Variants in PTPRF observed in about 807,000 individuals in gnomAD.
PTPRF encodes the protein protein tyrosine phosphatase receptor type F, also known as receptor-type tyrosine-protein phosphatase F.
A neutral mutation model predicts 201.8 loss-of-function variants in PTPRF; 59 were observed. The observed-to-expected ratio is 0.29, with a 90% CI of 0.24 to 0.36. The LOEUF is 0.36. PTPRF is among the 10% of genes least tolerant of loss of function. The probability of loss-of-function intolerance (pLI) is 1.00; values close to 1 mark genes in which losing one functional copy is unlikely to be tolerated. For missense variants in PTPRF, 2,132 were observed against 2,690.5 expected, an observed-to-expected ratio of 0.79 and a Z score of 4.59; for synonymous variants, 1,088 against 1,089.7, an observed-to-expected ratio of 1.00 and a Z score of 0.03.
chr1:43,545,390 G>A (rs78406870), intron 3 of PTPRF, among the ~76,000 whole-genome samples: 5,655 of 152,210 alleles, frequency 0.037, 144 homozygotes, highest in South Asian at 0.076. Context: ...CAGTCGAATC[G>A]TGACCCTGTC....
At chr1:43,550,431 G>A (rs570644805) in intron 3 of PTPRF, among the ~76,000 whole-genome samples, 38 of 152,354 alleles carry the variant, frequency 2.5e-4, no homozygotes, top group Non-Finnish European at 4.1e-4. Flanking sequence ...GCCGCTGCAG[G>A]TCCCGGCAGG....
At chr1:43,572,565 A>G (rs1646647660) in intron 6 of PTPRF, among the ~76,000 whole-genome samples, 1 of 152,094 alleles carries the variant, frequency 6.6e-6, no homozygotes, top group South Asian at 2.1e-4. Flanking sequence ...TGCTGGCCTT[A>G]TCCCATTACC....
Position 43,606,235 on chromosome 1 carries a change from G to T in PTPRF, c.3484-5G>T. On this transcript the variant is annotated splice_polypyrimidine_tract_variant and splice_region_variant and intron_variant, in intron 19 of 33. Transcript: ENST00000359947. Reference sequence around the variant, plus strand: ...CCTCATGACCCCCATGCTCTGCTCTGCCAGCTTCTAGAAGCCATCGAGCAA... The same window carrying T: ...CCTCATGACCCCCATGCTCTGCTCTTCCAGCTTCTAGAAGCCATCGAGCAA... The T allele has an allele frequency of 6.2e-7, 1 of 1,610,926 alleles. No individual in the cohort carries two copies.
At position 43,617,517 on chromosome 1, in the gene PTPRF, G is replaced by A; in HGVS notation, c.4144G>A (p.Ala1382Thr). The A allele has an allele frequency of 6.2e-7, 1 of 1,614,134 alleles. No individual in the cohort carries two copies. Among genetic ancestry groups the A allele is most frequent in the Non-Finnish European group, 8.5e-7 (1 of 1,180,028 alleles). The change falls in exon 24 of 34, where the codon GCG becomes ACG. Residue 1382 changes from alanine to threonine, a missense_variant. Around this residue, in one of 6 missense-constraint regions of PTPRF, gnomAD observed 818 missense variants for 915.3 expected, o/e 0.89. Coordinates refer to ENST00000359947, the MANE Select transcript of PTPRF (RefSeq NM_002840.5). ...GGTGAACAAGCCCAAGAACCGCTATGCGAATGTCATCGCCTACGACCACTC... is the reference window on the plus strand; with the variant it reads ...GGTGAACAAGCCCAAGAACCGCTATACGAATGTCATCGCCTACGACCACTC... ...LEVNKPKNRY[A>T]NVIAYDHSRV... is the part of the protein sequence containing the mutation.
rs1658158049 is a variant in PTPRF, at chr1:43,617,500, A to G, written c.4127A>G (p.Lys1376Arg). The G allele has an allele frequency of 6.2e-7, 1 of 1,614,016 alleles. No individual in the cohort carries two copies. The highest frequency in any genetic ancestry group is 1.7e-5 in the Admixed American group (1 of 60,000). ...GAGAATTCAAACCTGGAGGTGAACA[A>G]GCCCAAGAACCGCTATGCGAATGTC... is the stretch of plus-strand genomic sequence containing the variant. ...TWENSNLEVN[K>R]PKNRYANVIA... Residue 1376 changes from lysine to arginine, a missense_variant, in exon 24 of 34, where the codon AAG (lysine) becomes AGG (arginine). Transcript: ENST00000359947.
At position 43,619,703 on chromosome 1, in the gene PTPRF, C is replaced by G. The variant is rs1377458062; in HGVS notation, c.4956C>G (p.His1652Gln). ...EFKLLASSKA[H>Q]TSRFISANLP... ...AGTTGCTGGCCAGCTCCAAGGCCCA[C>G]ACGTCCCGCTTCATCAGCGCCAACC... The change falls in exon 29 of 34, where the codon CAC becomes CAG. Residue 1652 changes from histidine (H) to glutamine (Q), a missense_variant. His to Gln is a conservative substitution (Grantham distance 24). This residue lies in a region of PTPRF where 519 missense variants were observed against 659.5 expected (regional missense o/e 0.79). Coordinates refer to ENST00000359947, the MANE Select transcript of PTPRF (RefSeq NM_002840.5). The G allele has an allele frequency of 6.2e-6, 10 of 1,614,048 alleles. No individual in the cohort carries two copies. The highest frequency in any genetic ancestry group is 5.0e-5 in the Admixed American group (3 of 60,010).
upstream of PTPRF, among the ~76,000 whole-genome samples, chr1:43,529,826 G>A (rs748099575): frequency 2.4e-4 from 37 of 152,072 alleles, 1 homozygote; most frequent in Admixed American, 2.3e-3. Context: ...AAATTTCTAG[G>A]GTCATTATTT....
intron 5 of PTPRF, among the ~76,000 whole-genome samples, chr1:43,565,840 G>T (rs1429825355): frequency 6.6e-6 from 1 of 152,118 alleles, no homozygotes; most frequent in South Asian, 2.1e-4. Context: ...CAGCGGACGC[G>T]CGCGCCTGCA....
chr1:43,618,242 C>G (rs1325218259), intron 25 of PTPRF, among the ~76,000 whole-genome samples: 1 of 152,140 alleles, frequency 6.6e-6, no homozygotes. Flanking sequence ...GGGGCATTAA[C>G]ACATCTCCTA....
rs373819418 is a variant in PTPRF at position 43,605,465 on chromosome 1, G to A, written c.3389+22G>A. 15 of 1,610,630 alleles carry A rather than the reference G, an allele frequency of 9.3e-6. No homozygotes were observed. In the African/African-American group the frequency reaches 1.7e-4, roughly 19 times the overall value. ...TCAGGTGTGCACACGAGGTATCGGGGGAGGCGGGGCAGGGCTGGAGGTAAC... is the reference window on the plus strand; with the variant it reads ...TCAGGTGTGCACACGAGGTATCGGGAGAGGCGGGGCAGGGCTGGAGGTAAC... On this transcript the variant is annotated intron_variant, in intron 18 of 33. Transcript: ENST00000359947.
chr1:43,560,274 C>T (rs1394875670), intron 5 of PTPRF, among the ~76,000 whole-genome samples: 3 of 150,324 alleles, frequency 2.0e-5, no homozygotes, highest in Admixed American at 2.0e-4. Flanking sequence ...TACATGCGCA[C>T]ACGCAACAGG....
chr1:43,564,260 CT>C (rs1646003816), intron 5 of PTPRF, among the ~76,000 whole-genome samples: 9 of 152,144 alleles, frequency 5.9e-5, no homozygotes, highest in Admixed American at 5.2e-4. Context: ...CAGCCTTCGA[CT>C]TTTGGAAGGC....
intron 3 of PTPRF, among the ~76,000 whole-genome samples, chr1:43,547,422 C>T (rs538862330): frequency 6.6e-6 from 1 of 152,220 alleles, no homozygotes; most frequent in Non-Finnish European, 1.5e-5. Flanking sequence ...AGCCATGGGG[C>T]AGGAGCCTGG....
intron 6 of PTPRF, among the ~76,000 whole-genome samples, chr1:43,570,302 C>G (rs1379467045): frequency 6.6e-6 from 1 of 152,232 alleles, no homozygotes; most frequent in African/African-American, 2.4e-5. Flanking sequence ...AGCTCGGAGC[C>G]CTGGGAGCAA....
At chr1:43,534,067 CAAG>C (rs780514355) in intron 1 of PTPRF, among the ~76,000 whole-genome samples, 3 of 151,998 alleles carry the variant, frequency 2.0e-5, no homozygotes, top group East Asian at 3.9e-4. Context: ...CAGAGGAGAC[CAAG>C]AAGAAGTGAT....
intron 23 of PTPRF, among the ~76,000 whole-genome samples, chr1:43,617,100 T>G (rs1658053471): frequency 6.6e-6 from 1 of 151,620 alleles, no homozygotes; most frequent in African/African-American, 2.4e-5. Context: ...CCCTCAGCAG[T>G]TTCGGGACTG....
At chr1:43,575,482 T>C (rs1171616502) in intron 6 of PTPRF, among the ~76,000 whole-genome samples, 2 of 152,182 alleles carry the variant, frequency 1.3e-5, no homozygotes, top group African/African-American at 4.8e-5. Context: ...CTGTCTGCCT[T>C]AACACCAGGC....
chr1:43,581,783 G>A (rs1393268710), intron 7 of PTPRF, among the ~76,000 whole-genome samples: 2 of 152,200 alleles, frequency 1.3e-5, no homozygotes, highest in Admixed American at 6.5e-5. Context: ...GAGAGGCTTC[G>A]AGGTTTCCTC....
chr1:43,611,311 G>A (rs972440649), intron 22 of PTPRF, among the ~76,000 whole-genome samples: 1 of 152,220 alleles, frequency 6.6e-6, no homozygotes, highest in Non-Finnish European at 1.5e-5. Flanking sequence ...AAGCCTCTTC[G>A]GGGATGGGAT....
Sources: gnomAD v4.1 joint callset for allele counts (sites outside exome capture counted in the v4.1 genomes callset) on GRCh38, gnomAD v4.1.1 for gene constraint, gnomAD v4.1.1 regional missense constraint, MANE v1.5 for transcripts, NCBI Gene and HGNC (gene_info 2026-07-23, HGNC 2026-07-21) for gene names.